Variants in MAP3K5 observed in about 807,000 individuals in gnomAD.
MAP3K5 encodes the protein ASK-1.
In MAP3K5, 56 loss-of-function variants were observed where a neutral mutation model predicts 158.7. The observed-to-expected ratio is 0.35, with a 90% CI of 0.28 to 0.44. The LOEUF (loss-of-function observed/expected upper bound fraction) is 0.44, where lower values mean the gene tolerates loss of function less well. Among genes scored for constraint, MAP3K5 ranks in the 20% least tolerant of loss-of-function variants. MAP3K5 has a pLI of 1.00. For missense variants in MAP3K5, 1,294 were observed against 1,674.8 expected (o/e 0.77, Z 3.97); for synonymous variants, 579 against 601.7 (o/e 0.96, Z 0.55).
At chr6:136,760,089 C>T (rs1371051229) in intron 1 of MAP3K5, among the ~76,000 whole-genome samples, 1 of 152,186 alleles carries the variant, frequency 6.6e-6, no homozygotes, top group East Asian at 1.9e-4. Context: ...GGACAGAATG[C>T]ACATTGCACT....
At chr6:136,636,802 T>G (rs188344872) in intron 14 of MAP3K5, 2 of 975,298 alleles carry the variant, frequency 2.1e-6, no homozygotes, top group Non-Finnish European at 2.4e-6. Context: ...AAAAACCATA[T>G]AAAAGTAGGT....
Position 136,792,450 on chromosome 6 carries a change from T to C in MAP3K5, c.-293A>G. 1 of 907,916 alleles carries C rather than the reference T, an allele frequency of 1.1e-6. No individual in the cohort carries two copies. The highest frequency in any genetic ancestry group is 1.3e-6 in the Non-Finnish European group (1 of 759,910). 56.2% of individuals were successfully genotyped at this position (907,916 alleles called of 1,614,324 possible). On this transcript the variant is annotated 5_prime_UTR_variant, in exon 1 of 30. Transcript: ENST00000359015. The surrounding 1 kb of genome is among the most constrained non-coding windows in gnomAD (Gnocchi z 5.7). ...GTGAGCGGGAAGGGACGGAGCTTCC[T>C]TTTCTTGGCCGGCTGACAAGTCGGC...
intron 1 of MAP3K5, among the ~76,000 whole-genome samples, chr6:136,769,797 G>A (rs374355985): frequency 0.013 from 375 of 29,088 alleles, 4 homozygotes; most frequent in Non-Finnish European, 0.019. Flanking sequence ...GGAAGGAAGG[G>A]AGGGAGGGAG....
intron 15 of MAP3K5, among the ~76,000 whole-genome samples, chr6:136,617,959 A>C (rs1224488413): frequency 6.6e-6 from 1 of 152,084 alleles, no homozygotes; most frequent in Non-Finnish European, 1.5e-5. Context: ...AAAAATAACC[A>C]GTTCAGGATA....
chr6:136,591,538 G>T lies in MAP3K5; in HGVS notation c.3225+635C>A, dbSNP rs117303068. On this transcript the variant is annotated intron_variant, in intron 23 of 29. Transcript: ENST00000359015. ...TGTTTTAGTCTTTATTTAGGAGTTT[G>T]GTCATGTTTTTGTGACCAGAAATAT... 4.5e-4 allele frequency among the ~76,000 whole-genome samples: 68 copies of T among 152,268 alleles called. 1 individual carries two copies. The East Asian group carries it at 0.013, about 29-fold the overall frequency.
intron 1 of MAP3K5, among the ~76,000 whole-genome samples, chr6:136,764,693 A>G (rs1783889395): frequency 6.6e-6 from 1 of 152,194 alleles, no homozygotes; most frequent in African/African-American, 2.4e-5. Context: ...AGACCTCTCA[A>G]AATCACAAGT....
chr6:136,636,987 A>C, intron 14 of MAP3K5: 1 of 1,052,426 alleles, frequency 9.5e-7, no homozygotes, highest in South Asian at 4.2e-5. Context: ...CAGAATCTTC[A>C]GTGAATCTTC....
In MAP3K5 at chr6:136,787,211, A is replaced by C. The variant is rs181370549; in HGVS notation, c.448+4499T>G. ...GACCCCATTCTCCACAAAAAGGAAA[A>C]AAGCAAACAAAAAACAAGCATAAGA... On this transcript the variant is annotated intron_variant, in intron 1 of 29. Coordinates refer to ENST00000359015, the MANE Select transcript of MAP3K5 (RefSeq NM_005923.4). Among the ~76,000 whole-genome samples, 13 of 152,264 alleles carry C rather than the reference A, an allele frequency of 8.5e-5. No homozygotes were observed. In the East Asian group the frequency reaches 2.5e-3, roughly 29 times the overall value.
chr6:136,793,082 G>A (rs1465892317), upstream of MAP3K5, among the ~76,000 whole-genome samples: 1 of 152,192 alleles, frequency 6.6e-6, no homozygotes, highest in Non-Finnish European at 1.5e-5. Context: ...AGTCCCTCGA[G>A]GCAATACTCG....
intron 7 of MAP3K5, among the ~76,000 whole-genome samples, chr6:136,688,053 A>G (rs1780227570): frequency 6.6e-6 from 1 of 152,226 alleles, no homozygotes; most frequent in African/African-American, 2.4e-5. Flanking sequence ...GATAAAGAAA[A>G]TGTGGCACAT....
chr6:136,655,797 G>A (rs562717259), intron 10 of MAP3K5, among the ~76,000 whole-genome samples: 84 of 152,168 alleles, frequency 5.5e-4, no homozygotes, highest in Non-Finnish European at 8.8e-4. Context: ...ATGAGCTGCA[G>A]ACCAGAAACT....
intron 1 of MAP3K5, among the ~76,000 whole-genome samples, chr6:136,750,347 G>T (rs1035825244): frequency 2.6e-5 from 4 of 152,096 alleles, no homozygotes; most frequent in African/African-American, 9.7e-5. Context: ...CAAAGTGCTG[G>T]GATTACAAGC....
At position 136,645,412 on chromosome 6, in the gene MAP3K5, T is replaced by A. The variant is rs533161201; in HGVS notation, c.1789-2843A>T. Among the ~76,000 whole-genome samples, 11 of 152,208 alleles carry A rather than the reference T, an allele frequency of 7.2e-5. 1 individual carries two copies. The highest frequency in any genetic ancestry group is 2.6e-4 in the African/African-American group (11 of 41,542). On this transcript the variant is annotated intron_variant, in intron 11 of 29. Coordinates refer to ENST00000359015, the MANE Select transcript of MAP3K5 (RefSeq NM_005923.4). The stretch of plus-strand genomic sequence containing the variant: ...TCTGTGAGTGGCCACTGGCTGGAGC[T>A]GAAGTGAGGGAGGAGAGTCAGCACT...
chr6:136,699,579 C>T (rs558483802), intron 3 of MAP3K5, among the ~76,000 whole-genome samples: 17 of 152,308 alleles, frequency 1.1e-4, no homozygotes, highest in Admixed American at 1.0e-3. Flanking sequence ...ACAGCCTGGG[C>T]TCACTGACCT....
intron 2 of MAP3K5, among the ~76,000 whole-genome samples, chr6:136,713,498 AG>A (rs1232971483): frequency 6.6e-6 from 1 of 152,232 alleles, no homozygotes; most frequent in African/African-American, 2.4e-5. Flanking sequence ...TAATAACCTC[AG>A]GGATTCTACA....
At chr6:136,706,492 G>A (rs1225011359) in intron 2 of MAP3K5, among the ~76,000 whole-genome samples, 1 of 152,182 alleles carries the variant, frequency 6.6e-6, no homozygotes, top group Non-Finnish European at 1.5e-5. Flanking sequence ...TGAGGTTGGG[G>A]AATCATCATT....
chr6:136,764,997 G>A (rs140918076), intron 1 of MAP3K5, among the ~76,000 whole-genome samples: 4 of 152,256 alleles, frequency 2.6e-5, no homozygotes, highest in Non-Finnish European at 5.9e-5. Context: ...TCAGGATCAT[G>A]CTCTTCTATC....
At chr6:136,694,834 G>T (rs552798811) in intron 6 of MAP3K5, among the ~76,000 whole-genome samples, 1 of 152,326 alleles carries the variant, frequency 6.6e-6, no homozygotes, top group African/African-American at 2.4e-5. Flanking sequence ...TATGTAGCAT[G>T]CTTTAAAATA....
Position 136,697,254 on chromosome 6 carries a change from C to A in MAP3K5, c.940G>T (p.Val314Phe), listed in dbSNP as rs780793069. Residue 314 changes from valine (V) to phenylalanine (F), a missense_variant, in exon 5 of 30, where the codon GTC becomes TTC. Val to Phe is a conservative substitution (Grantham distance 50). Coordinates refer to ENST00000359015, the MANE Select transcript of MAP3K5 (RefSeq NM_005923.4). ...DNIEVLTADI[V>F]INLLLSYRDI... ...CTGTAGGAAAGTAACAGATTTATGA[C>A]AATATCTGCTGTCAAGACTTCGATA... is the stretch of plus-strand genomic sequence containing the variant. 1.9e-6 allele frequency: 3 copies of A among 1,613,518 alleles called. No individual in the cohort carries two copies. In the South Asian group the frequency reaches 3.3e-5, roughly 18 times the overall value.
Sources: gnomAD v4.1 joint callset for allele counts (sites outside exome capture counted in the v4.1 genomes callset) on GRCh38, gnomAD v4.1.1 for gene constraint, Gnocchi (gnomAD v3.1) non-coding constraint, MANE v1.5 for transcripts, NCBI Gene and HGNC (gene_info 2026-07-23, HGNC 2026-07-21) for gene names.